TLCD4: variants seen among roughly 807,000 people sequenced by gnomAD.
The protein encoded by TLCD4 is TLC domain-containing protein 4.
TLCD4 carries 7 observed loss-of-function variants against 24.2 expected under a neutral mutation model. That is an observed-to-expected ratio of 0.29 (90% CI 0.16 to 0.54). The LOEUF (loss-of-function observed/expected upper bound fraction) is 0.54. Among genes scored for constraint, TLCD4 ranks in the 20% least tolerant of loss-of-function variants. The pLI is 0.95. For synonymous variants in TLCD4, 103 were observed against 106.4 expected, an observed-to-expected ratio of 0.97 and a Z score of 0.20; for missense variants, 259 against 313.9, an observed-to-expected ratio of 0.82 and a Z score of 1.32.
upstream of TLCD4, among the ~76,000 whole-genome samples, chr1:95,115,274 T>C (rs1676408826): frequency 6.6e-6 from 1 of 151,854 alleles, no homozygotes; most frequent in South Asian, 2.1e-4. Flanking sequence ...GCCTGGCTAA[T>C]TTTTTATATT....
upstream of TLCD4, among the ~76,000 whole-genome samples, chr1:95,117,022 G>A (rs886323385): frequency 1.3e-5 from 2 of 152,222 alleles, no homozygotes; most frequent in African/African-American, 4.8e-5. Context: ...ATTTAAGGCA[G>A]AATGTAAATT....
At chr1:95,105,301 A>G in the TLCD4 span, among the ~76,000 whole-genome samples, 1 of 152,240 alleles carries the variant, frequency 6.6e-6, no homozygotes, top group Non-Finnish European at 1.5e-5. Flanking sequence ...TCTGCATAAG[A>G]CAGATTTATT....
At chr1:95,109,070 G>C in the TLCD4 span, among the ~76,000 whole-genome samples, 2 of 152,168 alleles carry the variant, frequency 1.3e-5, no homozygotes, top group Non-Finnish European at 2.9e-5. Flanking sequence ...GCTCACACCT[G>C]TAATCCCAGG....
chr1:95,110,524 CT>C, the TLCD4 span, among the ~76,000 whole-genome samples: 1 of 151,990 alleles, frequency 6.6e-6, no homozygotes, highest in African/African-American at 2.4e-5. Flanking sequence ...AATATGTAAT[CT>C]TTTTGTCATT....
chr1:95,182,739 A>G (rs1678690913), intron 6 of TLCD4, among the ~76,000 whole-genome samples: 1 of 152,234 alleles, frequency 6.6e-6, no homozygotes, highest in Non-Finnish European at 1.5e-5. Context: ...TCAGGGGTCC[A>G]TAAACCACAT....
Position 95,192,184 on chromosome 1 carries a change from A to G in TLCD4, c.*316A>G. The G allele has an allele frequency of 4.0e-6, 1 of 247,936 alleles. No homozygotes were observed. Among genetic ancestry groups the G allele is most frequent in the South Asian group, 6.6e-5 (1 of 15,176 alleles). 15.4% of individuals were successfully genotyped at this position (247,936 alleles called of 1,614,324 possible). On this transcript the variant is annotated 3_prime_UTR_variant, in exon 7 of 7. Transcript: ENST00000370203. ...CGTGGTGGTTGGCGCCTGTAATCCC[A>G]GCTACTCGGGAGGCTGAGGCAGGAG...
Position 95,146,340 on chromosome 1 carries a change from C to A in TLCD4, c.155+2284C>A, listed in dbSNP as rs372525453. Among the ~76,000 whole-genome samples the A allele has an allele frequency of 2.6e-5, 4 of 152,030 alleles. No individual in the cohort carries two copies. In the East Asian group the frequency reaches 7.7e-4, roughly 29 times the overall value. ...TAATTACTTATATTCACTTTCTTAC[C>A]TATCACATTGAAAGTCTTATTGTGT... On this transcript the variant is annotated intron_variant, in intron 2 of 6. Transcript: ENST00000370203.
At chr1:95,191,458 T>C (rs150021313) in intron 6 of TLCD4, 92 bp from the exon 7 acceptor site, 3 of 1,462,400 alleles carry the variant, frequency 2.1e-6, no homozygotes, top group Non-Finnish European at 2.7e-6. Context: ...TGCTCCTCCT[T>C]CACTGAATTT....
intron 6 of TLCD4, among the ~76,000 whole-genome samples, chr1:95,176,065 C>T (rs578042479): frequency 2.1e-4 from 32 of 151,290 alleles, no homozygotes; most frequent in South Asian, 6.3e-4. Context: ...TTTGAGCCAC[C>T]GTGCCTGGCT....
chr1:95,128,132 C>T (rs1332386182), intron 1 of TLCD4, among the ~76,000 whole-genome samples: 2 of 152,090 alleles, frequency 1.3e-5, no homozygotes, highest in African/African-American at 4.8e-5. Flanking sequence ...TAGGGAGCAA[C>T]ATTTGTCACG....
At chr1:95,133,462 GA>G (rs1333056985) in intron 1 of TLCD4, among the ~76,000 whole-genome samples, 1 of 152,106 alleles carries the variant, frequency 6.6e-6, no homozygotes, top group South Asian at 2.1e-4. Flanking sequence ...AGATTCCCAA[GA>G]AGGCCAGAAA....
intron 6 of TLCD4, among the ~76,000 whole-genome samples, chr1:95,174,507 CAAAAA>C (rs141819142): frequency 1.2e-5 from 1 of 85,880 alleles, no homozygotes; most frequent in African/African-American, 5.3e-5. Flanking sequence ...CCCATCCCTA[CAAAAA>C]AAAAAAAAAA....
intron 1 of TLCD4, among the ~76,000 whole-genome samples, chr1:95,142,832 C>T (rs1677242441): frequency 6.6e-6 from 1 of 152,118 alleles, no homozygotes; most frequent in Non-Finnish European, 1.5e-5. Context: ...TGCCTGTAAT[C>T]CCAGCCGCTC....
rs1164142786 is a variant in TLCD4 at position 95,193,839 on chromosome 1, A to AG, written c.*1977dup. ...GCTTAAATATGTACTGGTTAACTAG[A>AG]GGGGGGTAGGAAAGCAAGCGGTTTT... On this transcript the variant is annotated 3_prime_UTR_variant, in exon 7 of 7. Transcript: ENST00000370203. 6.6e-6 allele frequency: 1 copy of AG among 152,070 alleles called. No individual in the cohort carries two copies. Among genetic ancestry groups the AG allele is most frequent in the African/African-American group, 2.4e-5 (1 of 41,434 alleles). The allele number at this position is 152,070 out of a possible 1,614,324, so 9.4% of individuals were successfully genotyped here. A position where few individuals can be genotyped will look rare whatever the true frequency, so the allele number is the denominator to read the frequency against.
chr1:95,156,194 C>G (rs561480342), intron 5 of TLCD4, among the ~76,000 whole-genome samples: 13 of 151,392 alleles, frequency 8.6e-5, no homozygotes, highest in East Asian at 3.9e-4. Flanking sequence ...TTTGAATTTT[C>G]TAAGAGAGCT....
chr1:95,160,487 A>T (rs1557688524), intron 5 of TLCD4, among the ~76,000 whole-genome samples: 2 of 152,174 alleles, frequency 1.3e-5, no homozygotes, highest in African/African-American at 2.4e-5. Context: ...TCCTAATTGA[A>T]TACGCTTTAT....
chr1:95,095,950 C>T, the TLCD4 span, among the ~76,000 whole-genome samples: 1 of 152,150 alleles, frequency 6.6e-6, no homozygotes, highest in Admixed American at 6.5e-5. Context: ...GGTAAGCGAT[C>T]AGGAGCCAAA....
chr1:95,141,506 T>C (rs1677197091), intron 1 of TLCD4, among the ~76,000 whole-genome samples: 2 of 152,162 alleles, frequency 1.3e-5, no homozygotes, highest in South Asian at 4.1e-4. Flanking sequence ...GATTACTGAT[T>C]ATATTTTTTT....
intron 3 of TLCD4, among the ~76,000 whole-genome samples, chr1:95,149,704 C>T (rs1277215289): frequency 6.6e-6 from 1 of 152,024 alleles, no homozygotes; most frequent in Non-Finnish European, 1.5e-5. Context: ...ACTAACGTGA[C>T]CATCAGCAAA....
Sources: allele counts gnomAD v4.1 joint callset (sites outside exome capture counted in the v4.1 genomes callset), GRCh38; gene constraint gnomAD v4.1.1; transcripts MANE v1.5; gene names NCBI Gene and HGNC (gene_info 2026-07-23, HGNC 2026-07-21).